Variants in ADGRL3 observed in about 807,000 individuals in gnomAD.
ADGRL3 encodes adhesion G protein-coupled receptor L3, also known as calcium-independent alpha-latrotoxin receptor 3.
In ADGRL3, 62 loss-of-function variants were observed where a neutral mutation model predicts 153.5. The observed-to-expected ratio is 0.40, with a 90% CI of 0.33 to 0.50. The LOEUF (loss-of-function observed/expected upper bound fraction) is 0.50. Among genes scored for constraint, ADGRL3 ranks in the 20% least tolerant of loss-of-function variants. The pLI, the probability that ADGRL3 is intolerant of heterozygous loss-of-function variation, is 0.47. For synonymous variants in ADGRL3, 710 were observed against 672.5 expected, an observed-to-expected ratio of 1.06 and a Z score of -0.86; for missense variants, 1,641 against 1,859.4, an observed-to-expected ratio of 0.88 and a Z score of 2.16.
At chr4:61,429,857 G>A (rs1473346868) in intron 2 of ADGRL3, among the ~76,000 whole-genome samples, 1 of 152,002 alleles carries the variant, frequency 6.6e-6, no homozygotes, top group African/African-American at 2.4e-5. Context: ...TTTACTGATA[G>A]CTTGAATTTA....
rs546742819 is a variant in ADGRL3, at chr4:62,002,587, A to G, written c.3395+4322A>G. Among the ~76,000 whole-genome samples the G allele has an allele frequency of 5.9e-5, 9 of 152,106 alleles. No homozygotes were observed. In the South Asian group the frequency reaches 1.9e-3, roughly 32 times the overall value. ...ATAATAAAAAATAGAGTGAAGTAAT[A>G]TAGGTAATATGATTACAGGGGAAAT... On this transcript the variant is annotated intron_variant, in intron 21 of 26. Transcript: ENST00000683033.
intron 18 of ADGRL3, 87 bp downstream of exon 18, chr4:61,979,859 A>C: frequency 1.8e-6 from 2 of 1,139,992 alleles, no homozygotes; most frequent in Non-Finnish European, 2.6e-6. Context: ...TATGTTTGAA[A>C]GTATCATTTC....
intron 1 of ADGRL3, among the ~76,000 whole-genome samples, chr4:61,224,490 G>T (rs560350032): frequency 6.6e-6 from 1 of 152,196 alleles, no homozygotes; most frequent in East Asian, 1.9e-4. Context: ...ACTGAAACTG[G>T]GTCTTCCAGA....
intron 4 of ADGRL3, among the ~76,000 whole-genome samples, chr4:61,535,071 GT>G (rs1388912600): frequency 7.3e-5 from 11 of 151,314 alleles, no homozygotes; most frequent in Admixed American, 7.3e-4. Context: ...TTGGCCATTA[GT>G]TTGTCATATA....
chr4:61,289,131 T>C (rs959319535), intron 1 of ADGRL3, among the ~76,000 whole-genome samples: 19 of 151,974 alleles, frequency 1.3e-4, no homozygotes. Flanking sequence ...AACAGACTTA[T>C]CATATTTTCT....
chr4:61,454,970 A>G (rs1332243396), intron 2 of ADGRL3, among the ~76,000 whole-genome samples: 2 of 152,162 alleles, frequency 1.3e-5, no homozygotes, highest in Non-Finnish European at 2.9e-5. Context: ...CAGATTAAAG[A>G]TGAGAAATTT....
In ADGRL3 at chr4:61,608,529, A is replaced by G. The variant is rs186646419; in HGVS notation, c.473+21089A>G. 1.2e-4 allele frequency among the ~76,000 whole-genome samples: 18 copies of G among 152,258 alleles called. No homozygotes were observed. In the East Asian group the frequency reaches 3.3e-3, roughly 28 times the overall value. The stretch of plus-strand genomic sequence containing the variant: ...CAATTTGCAAACTCATTCAGTCCAC[A>G]TTTTTTTAATGTATTATAGTTTGTT... On this transcript the variant is annotated intron_variant, in intron 5 of 26. Transcript: ENST00000683033.
At chr4:61,540,439 T>A (rs2098682919) in intron 4 of ADGRL3, among the ~76,000 whole-genome samples, 1 of 151,588 alleles carries the variant, frequency 6.6e-6, no homozygotes, top group South Asian at 2.1e-4. Context: ...ATCCCAGCTA[T>A]CCGGGAGGCT....
At chr4:61,536,460 A>G (rs1342050342) in intron 4 of ADGRL3, among the ~76,000 whole-genome samples, 1 of 151,964 alleles carries the variant, frequency 6.6e-6, no homozygotes, top group Admixed American at 6.6e-5. Context: ...TAATCTATCT[A>G]CTGCTCTCAG....
chr4:61,669,641 G>A (rs1026193339), intron 5 of ADGRL3, among the ~76,000 whole-genome samples: 1 of 152,134 alleles, frequency 6.6e-6, no homozygotes, highest in African/African-American at 2.4e-5. Flanking sequence ...TTTATCATCT[G>A]TTAGATGCTA....
intron 5 of ADGRL3, among the ~76,000 whole-genome samples, chr4:61,646,283 C>G (rs2093980000): frequency 6.6e-6 from 1 of 152,198 alleles, no homozygotes; most frequent in South Asian, 2.1e-4. Flanking sequence ...CTTCTCTCAG[C>G]TCGTCAAAGT....
intron 1 of ADGRL3, among the ~76,000 whole-genome samples, chr4:61,340,402 G>A (rs1396151360): frequency 6.6e-6 from 1 of 151,748 alleles, no homozygotes; most frequent in Non-Finnish European, 1.5e-5. Flanking sequence ...GGGAGCATGG[G>A]GTCAGTGGGA....
At chr4:61,875,549 T>G (rs186124899) in intron 9 of ADGRL3, among the ~76,000 whole-genome samples, 9 of 152,322 alleles carry the variant, frequency 5.9e-5, no homozygotes. Context: ...TTCCTTTGCT[T>G]ATAATATAAG....
At chr4:62,062,624 G>T (rs1044214345) in intron 25 of ADGRL3, among the ~76,000 whole-genome samples, 1 of 151,898 alleles carries the variant, frequency 6.6e-6, no homozygotes, top group Non-Finnish European at 1.5e-5. Context: ...TTTGCTTCTT[G>T]GTTAAATGGC....
Position 61,892,885 on chromosome 4 carries a change from A to G in ADGRL3, c.1710A>G (p.Glu570=), listed in dbSNP as rs757154696. ...PALEESCEAV[E]AREIMWFKTR... The stretch of plus-strand genomic sequence containing the variant: ...TCGAAGAGAGCTGTGAGGCTGTGGA[A>G]GCCCGAGAAATCATGTGGTTTAAGA... The change falls in exon 10 of 27, where the codon GAA becomes GAG. Residue 570 remains glutamate (E), a synonymous_variant. Transcript: ENST00000683033. The G allele has an allele frequency of 1.3e-6, 2 of 1,592,846 alleles. No individual in the cohort carries two copies. The highest frequency in any genetic ancestry group is 2.3e-5 in the South Asian group (2 of 87,332).
intron 20 of ADGRL3, among the ~76,000 whole-genome samples, chr4:61,997,146 C>G (rs1306049322): frequency 6.6e-6 from 1 of 151,588 alleles, no homozygotes; most frequent in African/African-American, 2.4e-5. Flanking sequence ...TACACAATAA[C>G]CCTAGTGAGG....
chr4:61,791,733 T>A (rs747818757), intron 8 of ADGRL3, among the ~76,000 whole-genome samples: 4 of 152,206 alleles, frequency 2.6e-5, no homozygotes, highest in Non-Finnish European at 4.4e-5. Context: ...GACATTTCTA[T>A]ACATCTGAAA....
At chr4:61,904,737 T>C (rs903560279) in intron 11 of ADGRL3, among the ~76,000 whole-genome samples, 29 of 152,162 alleles carry the variant, frequency 1.9e-4, no homozygotes, top group African/African-American at 5.8e-4. Flanking sequence ...TTCATTTTGT[T>C]CTCTATTTGA....
intron 5 of ADGRL3, among the ~76,000 whole-genome samples, chr4:61,672,865 T>C (rs944822289): frequency 6.6e-6 from 1 of 152,004 alleles, no homozygotes; most frequent in Non-Finnish European, 1.5e-5. Flanking sequence ...TAAAGAGATA[T>C]CTGTAGTCTC....
Sources: gnomAD v4.1 joint callset for allele counts (sites outside exome capture counted in the v4.1 genomes callset) on GRCh38, gnomAD v4.1.1 for gene constraint, MANE v1.5 for transcripts, NCBI Gene and HGNC (gene_info 2026-07-23, HGNC 2026-07-21) for gene names.